Variants in ANKRD17 observed in about 807,000 individuals in gnomAD.
ANKRD17 encodes the protein ankyrin repeat domain-containing protein 17.
In ANKRD17, 19 loss-of-function variants were observed where a neutral mutation model predicts 229.7. That is an observed-to-expected ratio of 0.08 (90% CI 0.06 to 0.12). ANKRD17 has a LOEUF of 0.12. ANKRD17 is among the 10% of genes least tolerant of loss of function. ANKRD17 has a pLI of 1.00. For synonymous variants in ANKRD17, 1,112 were observed against 1,146.1 expected (o/e 0.97, Z 0.60); for missense variants, 2,176 against 3,176.8 (o/e 0.68, Z 7.57).
chr4:73,131,321 T>A (rs1578141886), intron 16 of ANKRD17, among the ~76,000 whole-genome samples: 3 of 152,326 alleles, frequency 2.0e-5, no homozygotes, highest in Admixed American at 2.0e-4. Flanking sequence ...AACATATGAT[T>A]CCTGCTAATC....
At chr4:73,136,886 TA>T (rs559619911) in intron 15 of ANKRD17, among the ~76,000 whole-genome samples, 162 of 151,638 alleles carry the variant, frequency 1.1e-3, no homozygotes, top group African/African-American at 3.6e-3. Context: ...CTAAACAGGT[TA>T]AAAAAAATCT....
chr4:73,080,809 T>C (rs1313476321), intron 30 of ANKRD17: 2 of 152,114 alleles, frequency 1.3e-5, no homozygotes, highest in African/African-American at 4.8e-5. Flanking sequence ...ACCTTCCACA[T>C]TGTTTTGTTT....
intron 1 of ANKRD17, among the ~76,000 whole-genome samples, chr4:73,227,422 G>A (rs1742622280): frequency 6.6e-6 from 1 of 151,984 alleles, no homozygotes; most frequent in Admixed American, 6.6e-5. Flanking sequence ...CAAAGTGCTG[G>A]GATTACAGGT....
intron 1 of ANKRD17, among the ~76,000 whole-genome samples, chr4:73,197,033 C>G (rs1205866460): frequency 6.6e-6 from 1 of 151,966 alleles, no homozygotes; most frequent in Non-Finnish European, 1.5e-5. Context: ...TAATGATAGT[C>G]TGCTAGTCAT....
intron 6 of ANKRD17, among the ~76,000 whole-genome samples, chr4:73,151,968 A>G (rs1731053122): frequency 6.6e-6 from 1 of 152,116 alleles, no homozygotes; most frequent in Non-Finnish European, 1.5e-5. Flanking sequence ...TTTAGGAAAA[A>G]CCTGCTTATA....
In ANKRD17 at chr4:73,176,637, C is replaced by T. The variant is rs111963738; in HGVS notation, c.547+743G>A. The stretch of plus-strand genomic sequence containing the variant: ...AAAAGTTAGAAAAAATGAATAAGAC[C>T]TAGTATGTGCTAGCACAACAGAGTG... On this transcript the variant is annotated intron_variant, in intron 2 of 33. Transcript: ENST00000358602. Among the ~76,000 whole-genome samples, 785 of 151,912 alleles carry T rather than the reference C, an allele frequency of 5.2e-3. 5 individuals are homozygous for T. The highest frequency in any genetic ancestry group is 0.018 in the African/African-American group (741 of 41,456).
intron 2 of ANKRD17, among the ~76,000 whole-genome samples, chr4:73,169,962 T>A (rs1733764381): frequency 6.6e-6 from 1 of 152,164 alleles, no homozygotes; most frequent in Non-Finnish European, 1.5e-5. Flanking sequence ...GGCTGCAGTG[T>A]TCTGGGGCCC....
intron 24 of ANKRD17, among the ~76,000 whole-genome samples, chr4:73,103,369 C>T (rs1156716661): frequency 6.6e-6 from 1 of 152,050 alleles, no homozygotes; most frequent in East Asian, 1.9e-4. Flanking sequence ...GGAGGGATAG[C>T]AGAATGATGG....
chr4:73,171,253 A>G (rs1734004361), intron 2 of ANKRD17, among the ~76,000 whole-genome samples: 1 of 149,770 alleles, frequency 6.7e-6, no homozygotes, highest in South Asian at 2.1e-4. Context: ...GAGAAAGAAA[A>G]GAGAAGAAGA....
At position 73,098,427 on chromosome 4, in the gene ANKRD17, C is replaced by T. The variant is rs201396983; in HGVS notation, c.4667G>A (p.Gly1556Asp). The change falls in exon 26 of 34, where the codon GGT becomes GAT. Residue 1556 changes from glycine (G) to aspartate (D), a missense_variant. Physicochemically the swap from Gly to Asp is moderately conservative, Grantham distance 94. Around this residue, in one of 18 missense-constraint regions of ANKRD17, gnomAD observed 105 missense variants for 118.3 expected, o/e 0.89. Coordinates refer to ENST00000358602, the MANE Select transcript of ANKRD17 (RefSeq NM_032217.5). The part of the protein sequence containing the change: ...ATWTTLAGSH[G>D]KRNNTITTTS... ...TGTAGTTATGGTATTATTTCTTTTA[C>T]CATGAGAACCTGCCAAAGTTGTCCA... 6.8e-6 allele frequency: 11 copies of T among 1,613,988 alleles called. No homozygotes were observed. Among genetic ancestry groups the T allele is most frequent in the Non-Finnish European group, 9.3e-6 (11 of 1,180,016 alleles).
At chr4:73,197,277 T>C (rs1450406100) in intron 1 of ANKRD17, among the ~76,000 whole-genome samples, 4 of 152,332 alleles carry the variant, frequency 2.6e-5, no homozygotes, top group Middle Eastern at 3.4e-3. Context: ...TCAAGGCTTA[T>C]GTGATGTTTA....
chr4:73,095,843 C>A (rs1013779131), intron 27 of ANKRD17, among the ~76,000 whole-genome samples: 2 of 151,912 alleles, frequency 1.3e-5, no homozygotes, highest in Non-Finnish European at 2.9e-5. Context: ...AAACCACATG[C>A]CCAGCTAATT....
At chr4:73,179,488 G>GTGTATATATATATATA (rs1491132715) in intron 1 of ANKRD17, among the ~76,000 whole-genome samples, 4 of 48,216 alleles carry the variant, frequency 8.3e-5, no homozygotes, top group Admixed American at 3.7e-4. Flanking sequence ...GTGTGTGTGT[G>GTGTATATATATATATA]TATATATATA....
chr4:73,138,319 C>G (rs1225111913), intron 15 of ANKRD17, among the ~76,000 whole-genome samples: 1 of 151,990 alleles, frequency 6.6e-6, no homozygotes, highest in Non-Finnish European at 1.5e-5. Flanking sequence ...GGTTATTTAA[C>G]CCTTAAGACT....
chr4:73,181,176 T>C (rs1420416328), intron 1 of ANKRD17, among the ~76,000 whole-genome samples: 1 of 152,204 alleles, frequency 6.6e-6, no homozygotes, highest in Non-Finnish European at 1.5e-5. Flanking sequence ...TACAGAATCT[T>C]ACATTAGGTA....
At chr4:73,190,686 A>G (rs1341698534) in intron 1 of ANKRD17, among the ~76,000 whole-genome samples, 1 of 152,080 alleles carries the variant, frequency 6.6e-6, no homozygotes, top group Non-Finnish European at 1.5e-5. Context: ...AAGAGAAGCA[A>G]CTGAAAACTA....
At chr4:73,220,046 C>T (rs1162652452) in intron 1 of ANKRD17, among the ~76,000 whole-genome samples, 1 of 152,042 alleles carries the variant, frequency 6.6e-6, no homozygotes, top group Non-Finnish European at 1.5e-5. Context: ...ATATAAACCA[C>T]AGGTTTATAT....
chr4:73,256,127 A>G (rs952526308), intron 1 of ANKRD17, among the ~76,000 whole-genome samples: 2 of 152,226 alleles, frequency 1.3e-5, no homozygotes, highest in Non-Finnish European at 2.9e-5. Flanking sequence ...TATGTTAAAA[A>G]CATAGAAATA....
In ANKRD17 at chr4:73,162,893, C is replaced by T. The variant is rs74826400; in HGVS notation, c.548-1545G>A. On this transcript the variant is annotated intron_variant, in intron 2 of 33. Transcript: ENST00000358602. ...TTTTTGTTTTAAGATAGGATCTCAC[C>T]TGGTTGCCCAAGCTGAAGTACAGTG... 4.2e-3 allele frequency among the ~76,000 whole-genome samples: 632 copies of T among 151,906 alleles called. 4 individuals carry two copies. The highest frequency in any genetic ancestry group is 0.015 in the African/African-American group (609 of 41,400).
Sources: gnomAD v4.1 joint callset for allele counts (sites outside exome capture counted in the v4.1 genomes callset) on GRCh38, gnomAD v4.1.1 for gene constraint, gnomAD v4.1.1 regional missense constraint, MANE v1.5 for transcripts, NCBI Gene and HGNC (gene_info 2026-07-23, HGNC 2026-07-21) for gene names.